The following BAZ2B variants were observed in gnomAD, a reference collection of about 807,000 sequenced individuals.
BAZ2B encodes the protein bromodomain adjacent to zinc finger domain 2B.
A neutral mutation model predicts 246.0 loss-of-function variants in BAZ2B; 91 were observed. That is an observed-to-expected ratio of 0.37 (90% confidence interval 0.31 to 0.44). The LOEUF (loss-of-function observed/expected upper bound fraction) is 0.44. Among genes scored for constraint, BAZ2B ranks in the 20% least tolerant of loss-of-function variants. The pLI is 1.00. For missense variants in BAZ2B, 2,332 were observed against 2,533.7 expected (o/e 0.92, Z 1.71); for synonymous variants, 855 against 860.0 (o/e 0.99, Z 0.10).
At chr2:159,385,510 C>T (rs981295076) in intron 22 of BAZ2B, 141 bp from the exon 23 acceptor site, 2 of 664,430 alleles carry the variant, frequency 3.0e-6, no homozygotes, top group Non-Finnish European at 5.0e-6. Flanking sequence ...GAAAGAGACA[C>T]AAAAATAGTC....
intron 1 of BAZ2B, among the ~76,000 whole-genome samples, chr2:159,609,312 C>T (rs1694202533): frequency 6.6e-6 from 1 of 152,142 alleles, no homozygotes; most frequent in Non-Finnish European, 1.5e-5. Flanking sequence ...TAGAGTAACT[C>T]TATAGTTTTA....
chr2:159,451,697 A>G (rs1346884657), intron 4 of BAZ2B, among the ~76,000 whole-genome samples: 2 of 152,188 alleles, frequency 1.3e-5, no homozygotes, highest in Non-Finnish European at 2.9e-5. Flanking sequence ...TAGATGTCCA[A>G]AGAATTTTGT....
chr2:159,591,634 ATTGT>A (rs1258883403), intron 1 of BAZ2B, among the ~76,000 whole-genome samples: 1 of 152,146 alleles, frequency 6.6e-6, no homozygotes, highest in Admixed American at 6.5e-5. Context: ...TTTTTCCTTG[ATTGT>A]TTTCATGAAA....
In BAZ2B at chr2:159,412,485, C is replaced by A; in HGVS notation, c.2527G>T (p.Gly843Cys). ...GGATTTGGTGGTCTTCCTCTACGAC[C>A]TTCCATTGCCCTGATACGAGGAATG... ...DVIPRIRAMEGRRGRPPNPDR... is the reference protein window; with the variant it reads ...DVIPRIRAMECRRGRPPNPDR... Residue 843 changes from glycine (G) to cysteine (C), a missense_variant, in exon 14 of 37, where the codon GGT becomes TGT. Coordinates refer to ENST00000392783, the MANE Select transcript of BAZ2B (RefSeq NM_013450.4). 3 of 1,614,082 alleles carry A rather than the reference C, an allele frequency of 1.9e-6. No individual in the cohort carries two copies. The highest frequency in any genetic ancestry group is 2.2e-5 in the South Asian group (2 of 91,082).
intron 27 of BAZ2B, among the ~76,000 whole-genome samples, chr2:159,368,452 C>T (rs1381952644): frequency 1.3e-5 from 2 of 152,054 alleles, no homozygotes; most frequent in African/African-American, 2.4e-5. Flanking sequence ...TTTTAATTAG[C>T]TGTAAGATAA....
chr2:159,552,023 A>C (rs1400810486), intron 2 of BAZ2B, among the ~76,000 whole-genome samples: 1 of 152,152 alleles, frequency 6.6e-6, no homozygotes, highest in Non-Finnish European at 1.5e-5. Flanking sequence ...ACAAACTAAA[A>C]CAAAGGTTTT....
At chr2:159,696,812 G>A in the BAZ2B span, among the ~76,000 whole-genome samples, 1 of 152,186 alleles carries the variant, frequency 6.6e-6, no homozygotes, top group African/African-American at 2.4e-5. Context: ...CTGAGACGGA[G>A]TCTTGCTCTG....
intron 31 of BAZ2B, among the ~76,000 whole-genome samples, chr2:159,339,145 G>C (rs2066177753): frequency 6.6e-6 from 1 of 152,004 alleles, no homozygotes; most frequent in Admixed American, 6.6e-5. Flanking sequence ...ATTTAGAAAG[G>C]AAGGATGGAC....
At chr2:159,513,468 T>C (rs1019552068) in intron 2 of BAZ2B, among the ~76,000 whole-genome samples, 1 of 152,204 alleles carries the variant, frequency 6.6e-6, no homozygotes, top group African/African-American at 2.4e-5. Flanking sequence ...GCATATCTAA[T>C]GAACATTTTG....
chr2:159,320,466 T>C (rs2062580434), intron 36 of BAZ2B, 48 bp from the exon 37 acceptor site: 1 of 1,465,364 alleles, frequency 6.8e-7, no homozygotes, highest in African/African-American at 1.5e-5. Context: ...AGTGGATTTG[T>C]TTTGTAAACA....
chr2:159,596,320 T>C (rs760085206), intron 1 of BAZ2B, among the ~76,000 whole-genome samples: 1 of 152,192 alleles, frequency 6.6e-6, no homozygotes, highest in Non-Finnish European at 1.5e-5. Context: ...ATGATTAATA[T>C]ATTGCATTTT....
Position 159,386,367 on chromosome 2 carries a change from T to C in BAZ2B, c.3457A>G (p.Ile1153Val). The C allele has an allele frequency of 6.2e-7, 1 of 1,611,906 alleles. No individual in the cohort carries two copies. The highest frequency in any genetic ancestry group is 8.5e-7 in the Non-Finnish European group (1 of 1,179,164). ...LSAAVCDPGLITGYKAKTALG... is the reference protein window; with the variant it reads ...LSAAVCDPGLVTGYKAKTALG... Reference sequence around the variant, plus strand: ...TTTTTTTTTACCTTGTATCCTGTTATTAGACCTGGATCACATACAGCAGCT... The same window carrying C: ...TTTTTTTTTACCTTGTATCCTGTTACTAGACCTGGATCACATACAGCAGCT... Residue 1153 changes from isoleucine (I) to valine (V), a missense_variant, in exon 22 of 37, where the codon ATA (isoleucine) becomes GTA (valine). Ile to Val is a conservative substitution (Grantham distance 29). Coordinates refer to ENST00000392783, the MANE Select transcript of BAZ2B (RefSeq NM_013450.4).
intron 6 of BAZ2B, among the ~76,000 whole-genome samples, chr2:159,445,617 G>GT (rs903729754): frequency 6.6e-6 from 1 of 152,182 alleles, no homozygotes; most frequent in Non-Finnish European, 1.5e-5. Context: ...AGTAAAATTA[G>GT]TTTGAAAGCC....
chr2:159,506,793 TAG>T (rs2082375090), intron 2 of BAZ2B, among the ~76,000 whole-genome samples: 2 of 152,272 alleles, frequency 1.3e-5, no homozygotes, highest in South Asian at 2.1e-4. Context: ...AAACAAATAA[TAG>T]AGAGTACTGA....
At chr2:159,323,595 G>A (rs981449962) in intron 36 of BAZ2B, among the ~76,000 whole-genome samples, 1 of 151,980 alleles carries the variant, frequency 6.6e-6, no homozygotes, top group African/African-American at 2.4e-5. Flanking sequence ...CTGAGGTCAG[G>A]AGTTCGAGAC....
At chr2:159,316,348 G>A (rs1261453303), downstream of BAZ2B, among the ~76,000 whole-genome samples, 4 of 151,998 alleles carry the variant, frequency 2.6e-5, no homozygotes, top group African/African-American at 9.7e-5. Flanking sequence ...CAGCAGATAA[G>A]ATTCTATTCA....
intron 31 of BAZ2B, among the ~76,000 whole-genome samples, chr2:159,343,398 C>A (rs1042525152): frequency 6.6e-6 from 1 of 151,884 alleles, no homozygotes; most frequent in Non-Finnish European, 1.5e-5. Flanking sequence ...TAAACAAATG[C>A]AACTACATCA....
chr2:159,411,785 T>A, intron 14 of BAZ2B: 2 of 228,654 alleles, frequency 8.7e-6, no homozygotes, highest in Non-Finnish European at 1.5e-5. Context: ...GCTTGATAAA[T>A]GATAATTTCT....
intron 31 of BAZ2B, among the ~76,000 whole-genome samples, chr2:159,340,845 A>T (rs551929767): frequency 6.6e-6 from 1 of 152,138 alleles, no homozygotes; most frequent in Non-Finnish European, 1.5e-5. Flanking sequence ...AAGCTAATAC[A>T]CAAAGGAGAA....
Sources: allele counts gnomAD v4.1 joint callset (sites outside exome capture counted in the v4.1 genomes callset), GRCh38; gene constraint gnomAD v4.1.1; transcripts MANE v1.5; gene names NCBI Gene and HGNC (gene_info 2026-07-23, HGNC 2026-07-21).